FAM81B: variants seen among roughly 807,000 people sequenced by gnomAD.
FAM81B encodes protein FAM81B.
A neutral mutation model predicts 58.7 loss-of-function variants in FAM81B; 60 were observed. That is an observed-to-expected ratio of 1.02 (90% CI 0.83 to 1.27). The LOEUF is 1.27. Ranked by LOEUF, FAM81B falls within the 50% of genes most tolerant of loss-of-function variation. The probability of loss-of-function intolerance (pLI) is 0.00; values close to 1 mark genes in which losing one functional copy is unlikely to be tolerated. For synonymous variants in FAM81B, 189 were observed against 179.6 expected (o/e 1.05, Z -0.42); for missense variants, 491 against 522.0 (o/e 0.94, Z 0.58).
intron 4 of FAM81B, among the ~76,000 whole-genome samples, chr5:95,415,669 TA>T (rs1362889237): frequency 6.6e-6 from 1 of 152,192 alleles, no homozygotes; most frequent in African/African-American, 2.4e-5. Flanking sequence ...AGCATAGTGC[TA>T]AAATAAGATT....
intron 1 of FAM81B, 22 bp downstream of exon 1, chr5:95,391,535 T>C (rs778663346): frequency 6.3e-7 from 1 of 1,581,798 alleles, no homozygotes; most frequent in Non-Finnish European, 8.6e-7. Context: ...CTATTCGAGG[T>C]CTCTAAATTT....
chr5:95,445,248 ACTGT>A (rs567287941), intron 7 of FAM81B, among the ~76,000 whole-genome samples: 4 of 152,190 alleles, frequency 2.6e-5, no homozygotes, highest in Non-Finnish European at 5.9e-5. Flanking sequence ...TATTACTTTA[ACTGT>A]CTGTACCATA....
intron 3 of FAM81B, among the ~76,000 whole-genome samples, chr5:95,408,711 A>G (rs1326328691): frequency 6.6e-6 from 1 of 152,256 alleles, no homozygotes; most frequent in Non-Finnish European, 1.5e-5. Context: ...GGTAATATTA[A>G]TAGACCCTCC....
At chr5:95,440,782 G>A (rs1007274463) in intron 7 of FAM81B, 49 of 295,024 alleles carry the variant, frequency 1.7e-4, no homozygotes, top group African/African-American at 9.2e-4. Context: ...CACATTTTGC[G>A]GGGAGGAATC....
intron 7 of FAM81B, among the ~76,000 whole-genome samples, chr5:95,440,962 GA>G (rs201643570): frequency 2.6e-5 from 4 of 152,156 alleles, no homozygotes; most frequent in Admixed American, 2.0e-4. Context: ...GAGCAATACT[GA>G]AAAAGTTTCC....
In FAM81B at chr5:95,414,021, G is replaced by A. The variant is rs550788124; in HGVS notation, c.368G>A (p.Arg123His). 7.1e-5 allele frequency: 115 copies of A among 1,613,976 alleles called. 2 individuals are homozygous for A. The Middle Eastern group carries it at 1.2e-3, about 16-fold the overall frequency. The change falls in exon 4 of 10, where the codon CGT becomes CAT. Residue 123 changes from arginine to histidine, a missense_variant. Arg to His is a conservative substitution (Grantham distance 29, BLOSUM62 0). Coordinates refer to ENST00000283357, the MANE Select transcript of FAM81B (RefSeq NM_152548.3). ...GAAGACAGACTGAACAACCAGGCGC[G>A]TACCATAGCTTTCCTTCTTGAACAA... is the stretch of plus-strand genomic sequence containing the variant. ...QLEDRLNNQA[R>H]TIAFLLEQAF...
rs577076287 is a variant in FAM81B, at chr5:95,439,236, G to GTATATATATATATATATATATA, written c.893+2338_893+2359dup. 5.3e-3 allele frequency among the ~76,000 whole-genome samples: 557 copies of GTATATATATATATATATATATA among 104,980 alleles called. 6 individuals carry two copies. Among genetic ancestry groups the GTATATATATATATATATATATA allele is most frequent in the South Asian group, 7.9e-3 (21 of 2,644 alleles). 68.9% of individuals were successfully genotyped at this position (104,980 alleles called of 152,430 possible). On this transcript the variant is annotated intron_variant, in intron 7 of 9. Transcript: ENST00000283357. ...ATAGGCAAGCTTGCTAGGTTAAAGA[G>GTATATATATATATATATATATA]TATATATATATATATATATATATAT...
chr5:95,418,126 C>CT (rs1299242571), intron 4 of FAM81B, among the ~76,000 whole-genome samples: 1 of 152,158 alleles, frequency 6.6e-6, no homozygotes, highest in East Asian at 1.9e-4. Flanking sequence ...TTTGCACATC[C>CT]TGTTTCATCC....
Position 95,448,293 on chromosome 5 carries a change from G to A in FAM81B, c.1054G>A (p.Glu352Lys). 4 of 1,601,732 alleles carry A rather than the reference G, an allele frequency of 2.5e-6. No homozygotes were observed. The highest frequency in any genetic ancestry group is 3.4e-6 in the Non-Finnish European group (4 of 1,176,538). The change falls in exon 9 of 10, where the codon GAA becomes AAA. Residue 352 changes from glutamate to lysine, a missense_variant. Glu to Lys is a moderately conservative substitution (Grantham distance 56, BLOSUM62 1). Coordinates refer to ENST00000283357, the MANE Select transcript of FAM81B (RefSeq NM_152548.3). ...KLEKSENKME[E>K]KLLQLSSKVE... Reference sequence around the variant, plus strand: ...GGAAAAGTCTGAAAATAAAATGGAAGAAAAACTGCTGCAGCTTTCAAGCAA... The same window carrying A: ...GGAAAAGTCTGAAAATAAAATGGAAAAAAAACTGCTGCAGCTTTCAAGCAA...
At chr5:95,426,858 C>T (rs1269016388) in intron 5 of FAM81B, among the ~76,000 whole-genome samples, 4 of 152,148 alleles carry the variant, frequency 2.6e-5, no homozygotes, top group Non-Finnish European at 5.9e-5. Flanking sequence ...ACCATCCTGG[C>T]TAAGACGGTG....
In FAM81B at chr5:95,420,005, T is replaced by G. The variant is rs140713767; in HGVS notation, c.538-279T>G. On this transcript the variant is annotated intron_variant, in intron 4 of 9. Coordinates refer to ENST00000283357, the MANE Select transcript of FAM81B (RefSeq NM_152548.3). ...ATCTTGAATAATATGCCAATATTGT[T>G]AATTTGAGCAATTTCATATAAAATC... Among the ~76,000 whole-genome samples the G allele has an allele frequency of 2.4e-3, 373 of 152,354 alleles. 6 individuals are homozygous for G. Among genetic ancestry groups the G allele is most frequent in the African/African-American group, 8.6e-3 (357 of 41,590 alleles).
intron 4 of FAM81B, among the ~76,000 whole-genome samples, chr5:95,416,502 CT>C (rs1043527737): frequency 1.3e-5 from 2 of 152,058 alleles, no homozygotes; most frequent in African/African-American, 4.8e-5. Flanking sequence ...TTCCCCTCAA[CT>C]TACAAAAGCA....
intron 6 of FAM81B, among the ~76,000 whole-genome samples, chr5:95,429,475 T>C (rs780239538): frequency 7.2e-4 from 109 of 152,200 alleles, no homozygotes; most frequent in Non-Finnish European, 1.2e-3. Context: ...CCTCTGGAAA[T>C]TGGAAATATG....
Position 95,413,844 on chromosome 5 carries a change from G to A in FAM81B, c.294-103G>A, listed in dbSNP as rs112209977. 483 of 1,488,058 alleles carry A rather than the reference G, an allele frequency of 3.2e-4. 8 individuals carry two copies. The African/African-American group carries it at 5.8e-3, about 18-fold the overall frequency. The allele number at this position is 1,488,058 out of a possible 1,614,324, so 92.2% of individuals were successfully genotyped here. Reference sequence around the variant, plus strand: ...TAAAATCCTATCAAACTTCTCACAGGGCAAAAATAAAGGATCAGAAGTGAG... The same window carrying A: ...TAAAATCCTATCAAACTTCTCACAGAGCAAAAATAAAGGATCAGAAGTGAG... On this transcript the variant is annotated intron_variant, in intron 3 of 9. Transcript: ENST00000283357.
chr5:95,391,598 G>T, intron 1 of FAM81B, 85 bp downstream of exon 1: 1 of 1,410,980 alleles, frequency 7.1e-7, no homozygotes, highest in South Asian at 1.5e-5. Context: ...ACAAAATAAT[G>T]AATCCCAATG....
intron 7 of FAM81B, among the ~76,000 whole-genome samples, chr5:95,439,123 T>C (rs2152769274): frequency 6.6e-6 from 1 of 150,578 alleles, no homozygotes; most frequent in Non-Finnish European, 1.5e-5. Flanking sequence ...CTGAATGGAT[T>C]ATTTCTAGTT....
chr5:95,429,180 G>T (rs1008659170), intron 6 of FAM81B, among the ~76,000 whole-genome samples: 1 of 152,134 alleles, frequency 6.6e-6, no homozygotes, highest in African/African-American at 2.4e-5. Context: ...AAGTCCTTTG[G>T]TTGGTCTGGA....
chr5:95,391,472 C>T lies in FAM81B; in HGVS notation c.83C>T (p.Ser28Phe). 2 of 1,613,536 alleles carry T rather than the reference C, an allele frequency of 1.2e-6. No homozygotes were observed. Among genetic ancestry groups the T allele is most frequent in the Non-Finnish European group, 1.7e-6 (2 of 1,179,714 alleles). ...SQRLFFKNIK[S>F]TKNKAGKASI... ...AGATTGTTTTTCAAAAATATCAAAT[C>T]TACAAAAAATAAAGCTGGAAAAGCA... is the stretch of plus-strand genomic sequence containing the variant. Residue 28 changes from serine to phenylalanine, a missense_variant, in exon 1 of 10, where the codon TCT becomes TTT. Transcript: ENST00000283357.
chr5:95,435,816 C>G (rs965749185), intron 6 of FAM81B, among the ~76,000 whole-genome samples: 2 of 152,058 alleles, frequency 1.3e-5, no homozygotes, highest in African/African-American at 4.8e-5. Context: ...CCTGTAATTG[C>G]CTATTATTAT....
Sources: gnomAD v4.1 joint callset for allele counts (sites outside exome capture counted in the v4.1 genomes callset) on GRCh38, gnomAD v4.1.1 for gene constraint, MANE v1.5 for transcripts, NCBI Gene and HGNC (gene_info 2026-07-23, HGNC 2026-07-21) for gene names.